The following NFIC variants were observed in gnomAD, a reference collection of about 807,000 sequenced individuals.
NFIC encodes nuclear factor 1 C-type.
Under a neutral mutation model 54.4 loss-of-function variants are expected in NFIC, and 12 were observed. The ratio of observed to expected loss-of-function variants is 0.22; its 90% CI spans 0.14 to 0.36. The LOEUF (loss-of-function observed/expected upper bound fraction) is 0.36, where lower values mean the gene tolerates loss of function less well. Among genes scored for constraint, NFIC ranks in the 10% least tolerant of loss-of-function variants. The probability of loss-of-function intolerance (pLI) is 1.00; values close to 1 mark genes in which losing one functional copy is unlikely to be tolerated. For synonymous variants in NFIC, 322 were observed against 319.2 expected, an observed-to-expected ratio of 1.01 and a Z score of -0.09; for missense variants, 575 against 718.2, an observed-to-expected ratio of 0.80 and a Z score of 2.28.
At chr19:3,416,654 A>T (rs1483542544) in intron 2 of NFIC, among the ~76,000 whole-genome samples, 1 of 150,572 alleles carries the variant, frequency 6.6e-6, no homozygotes. Flanking sequence ...CCTCCTGAGT[A>T]GCTGGGATTA....
chr19:3,373,857 C>T (rs2081063789), intron 1 of NFIC, among the ~76,000 whole-genome samples: 1 of 152,114 alleles, frequency 6.6e-6, no homozygotes, highest in Admixed American at 6.5e-5. Flanking sequence ...GTTTGCTGAG[C>T]AACAGAATGA....
At chr19:3,425,215 G>T (rs1555753155) in intron 3 of NFIC, 38 bp downstream of exon 3, 1 of 1,582,106 alleles carries the variant, frequency 6.3e-7, no homozygotes, top group South Asian at 1.1e-5. Context: ...AGGGCGGAGG[G>T]CGCAGCCCTG....
Position 3,434,258 on chromosome 19 carries a change from CCT to C in NFIC, c.710-16_710-15del, listed in dbSNP as rs1319718427. 1 of 1,601,400 alleles carries C rather than the reference CCT, an allele frequency of 6.2e-7. No individual in the cohort carries two copies. The highest frequency in any genetic ancestry group is 8.5e-7 in the Non-Finnish European group (1 of 1,175,906). ...TGGGCACTGCTTCCTGCCTCACTCTCCTCTGTCACCCTCTGCAGCACCCGTGG... is the reference window on the plus strand; with the variant it reads ...TGGGCACTGCTTCCTGCCTCACTCTCCTGTCACCCTCTGCAGCACCCGTGG... On this transcript the variant is annotated splice_polypyrimidine_tract_variant and intron_variant, in intron 4 of 10. Transcript: ENST00000443272.
chr19:3,427,206 A>G (rs1182326012), intron 3 of NFIC, among the ~76,000 whole-genome samples: 1 of 151,852 alleles, frequency 6.6e-6, no homozygotes, highest in East Asian at 2.0e-4. Flanking sequence ...GATTACAGGC[A>G]TGAGCCACCG....
At chr19:3,437,758 C>T (rs1369818296) in intron 6 of NFIC, among the ~76,000 whole-genome samples, 3 of 150,760 alleles carry the variant, frequency 2.0e-5, no homozygotes, top group Admixed American at 6.6e-5. Flanking sequence ...GGTGCAATCT[C>T]GGCTCCACCT....
chr19:3,429,251 T>TACACACACACACACAC (rs1223236383), intron 3 of NFIC, among the ~76,000 whole-genome samples: 10 of 27,586 alleles, frequency 3.6e-4, no homozygotes, highest in African/African-American at 6.5e-4. Flanking sequence ...AAAAAAAATA[T>TACACACACACACACAC]ATACACACAC....
chr19:3,366,921 A>G (rs1182078171), intron 1 of NFIC, among the ~76,000 whole-genome samples: 4 of 149,162 alleles, frequency 2.7e-5, no homozygotes, highest in Admixed American at 6.6e-5. Flanking sequence ...GACTCTCGGG[A>G]CCTCTCCCGG....
intron 6 of NFIC, among the ~76,000 whole-genome samples, chr19:3,438,460 C>T (rs2082240907): frequency 7.4e-6 from 1 of 135,680 alleles, no homozygotes; most frequent in South Asian, 2.4e-4. Flanking sequence ...CTTTTTGAGA[C>T]AGAGTCTCGC....
At chr19:3,365,894 G>T (rs1599545685), upstream of NFIC, among the ~76,000 whole-genome samples, 2 of 152,204 alleles carry the variant, frequency 1.3e-5, no homozygotes, top group Admixed American at 6.5e-5. Context: ...TCTAGCTGGG[G>T]ACCCGCAGCC....
intron 3 of NFIC, among the ~76,000 whole-genome samples, chr19:3,431,653 G>T (rs2082122694): frequency 6.6e-6 from 1 of 152,046 alleles, no homozygotes; most frequent in Non-Finnish European, 1.5e-5. Context: ...ATAGGCACAA[G>T]CCACCATACC....
intron 2 of NFIC, among the ~76,000 whole-genome samples, chr19:3,422,427 G>A (rs567771269): frequency 1.1e-3 from 170 of 151,392 alleles, no homozygotes; most frequent in African/African-American, 4.0e-3. Context: ...GGCCTTGAAA[G>A]GAAAGTGAGG....
At position 3,458,817 on chromosome 19, in the gene NFIC, C is replaced by T. The variant is rs923395616; in HGVS notation, c.1509+2182C>T. On this transcript the variant is annotated intron_variant, in intron 10 of 10. Coordinates refer to ENST00000443272, the MANE Select transcript of NFIC (RefSeq NM_001245002.2). The surrounding 1 kb of genome is among the most constrained non-coding windows in gnomAD (Gnocchi z 4.1). Reference sequence around the variant, plus strand: ...GTGGACACCCACCAGGCCTGGGAGTCAGAACTTTCTGGAGCACAGAAAGGA... The same window carrying T: ...GTGGACACCCACCAGGCCTGGGAGTTAGAACTTTCTGGAGCACAGAAAGGA... Among the ~76,000 whole-genome samples the T allele has an allele frequency of 6.6e-6, 1 of 151,980 alleles. No homozygotes were observed. Among genetic ancestry groups the T allele is most frequent in the African/African-American group, 2.4e-5 (1 of 41,352 alleles).
intron 1 of NFIC, among the ~76,000 whole-genome samples, chr19:3,378,742 G>T (rs1331488223): frequency 6.6e-6 from 1 of 152,162 alleles, no homozygotes; most frequent in Non-Finnish European, 1.5e-5. Context: ...CTCCAGGGTG[G>T]GTCTGCAGGG....
chr19:3,373,625 C>A (rs539021306), intron 1 of NFIC, among the ~76,000 whole-genome samples: 23 of 124,574 alleles, frequency 1.8e-4, no homozygotes, highest in Admixed American at 3.4e-4. Context: ...GGACCCCCCC[C>A]CCAAGCTAAA....
chr19:3,423,612 C>T (rs995378260), intron 2 of NFIC, among the ~76,000 whole-genome samples: 1 of 152,070 alleles, frequency 6.6e-6, no homozygotes, highest in African/African-American at 2.4e-5. Context: ...CCAGAGGGGG[C>T]GGATGTGACT....
chr19:3,374,973 G>C (rs1401202338), intron 1 of NFIC, among the ~76,000 whole-genome samples: 6 of 152,020 alleles, frequency 3.9e-5, no homozygotes, highest in Admixed American at 3.3e-4. Flanking sequence ...ACCCCTGCCC[G>C]CCTCCCTGGC....
intron 1 of NFIC, among the ~76,000 whole-genome samples, chr19:3,376,087 C>T (rs1382888331): frequency 1.3e-5 from 2 of 152,102 alleles, no homozygotes; most frequent in African/African-American, 2.4e-5. Flanking sequence ...GAACACGGAG[C>T]GGGGCCTCAG....
At chr19:3,431,859 CTCT>C (rs766502680) in intron 3 of NFIC, among the ~76,000 whole-genome samples, 5 of 152,230 alleles carry the variant, frequency 3.3e-5, no homozygotes, top group Non-Finnish European at 7.3e-5. Flanking sequence ...CTGTGTTTAT[CTCT>C]TCATCTTTTG....
intron 1 of NFIC, among the ~76,000 whole-genome samples, chr19:3,372,031 C>CTT (rs2081029557): frequency 7.0e-6 from 1 of 143,104 alleles, no homozygotes; most frequent in African/African-American, 2.6e-5. Context: ...CTCTCTCTCT[C>CTT]TCTCTCTCTC....
Sources: gnomAD v4.1 joint callset for allele counts (sites outside exome capture counted in the v4.1 genomes callset) on GRCh38, gnomAD v4.1.1 for gene constraint, Gnocchi (gnomAD v3.1) non-coding constraint, MANE v1.5 for transcripts, NCBI Gene and HGNC (gene_info 2026-07-23, HGNC 2026-07-21) for gene names.